LPIN2: variants seen among roughly 807,000 people sequenced by gnomAD.
LPIN2 encodes lipin 2, also known as phosphatidate phosphatase LPIN2.
LPIN2 carries 55 observed loss-of-function variants against 111.4 expected under a neutral mutation model. That is an observed-to-expected ratio of 0.49 (90% CI 0.40 to 0.62). The LOEUF (loss-of-function observed/expected upper bound fraction) is 0.62. Among genes scored for constraint, LPIN2 ranks in the 20% least tolerant of loss-of-function variants. LPIN2 has a pLI of 0.00. For synonymous variants in LPIN2, 425 were observed against 414.0 expected (o/e 1.03, Z -0.32); for missense variants, 992 against 1,112.1 (o/e 0.89, Z 1.54).
At chr18:2,954,379 G>C in intron 3 of LPIN2, 125 bp downstream of exon 3, 1 of 714,496 alleles carries the variant, frequency 1.4e-6, no homozygotes. Flanking sequence ...TGAAACTAAA[G>C]CTTGTCTTGC....
intron 1 of LPIN2, among the ~76,000 whole-genome samples, chr18:2,976,505 G>A (rs999396915): frequency 1.3e-5 from 2 of 152,148 alleles, no homozygotes; most frequent in Non-Finnish European, 2.9e-5. Flanking sequence ...GATAACTCAA[G>A]GACTAAAATA....
In LPIN2 at chr18:2,925,306, A is replaced by C. The variant is rs766347072; in HGVS notation, c.1856T>G (p.Val619Gly). The change falls in exon 14 of 20, where the codon GTG becomes GGG. Residue 619 changes from valine (V) to glycine (G), a missense_variant. This residue lies in a region of LPIN2 where 709 missense variants were observed against 753.2 expected (regional missense o/e 0.94). Transcript: ENST00000677752. The surrounding 1 kb of genome is among the most constrained non-coding windows in gnomAD (Gnocchi z 4.1). ...GSQELEESIT[V>G]DPIPTEPLSH... ...CAGGGGCTCTGTGGGGATGGGGTCCACTGTGATGGATTCTTCGAGCTCCTG... is the reference window on the plus strand; with the variant it reads ...CAGGGGCTCTGTGGGGATGGGGTCCCCTGTGATGGATTCTTCGAGCTCCTG... 1 of 1,614,126 alleles carries C rather than the reference A, an allele frequency of 6.2e-7. No individual in the cohort carries two copies. The highest frequency in any genetic ancestry group is 8.5e-7 in the Non-Finnish European group (1 of 1,179,996).
chr18:3,010,613 A>C (rs956353255), intron 1 of LPIN2, among the ~76,000 whole-genome samples: 1 of 152,196 alleles, frequency 6.6e-6, no homozygotes, highest in African/African-American at 2.4e-5. Context: ...CTGGGGTCGG[A>C]GTAAAAAGAA....
intron 7 of LPIN2, among the ~76,000 whole-genome samples, chr18:2,937,122 T>C (rs371141237): frequency 6.6e-6 from 1 of 152,226 alleles, no homozygotes; most frequent in East Asian, 1.9e-4. Context: ...CAACTCATTA[T>C]TTGTTTTCTC....
chr18:2,993,201 C>T (rs113811749), intron 1 of LPIN2, among the ~76,000 whole-genome samples: 1 of 144,504 alleles, frequency 6.9e-6, no homozygotes, highest in African/African-American at 2.6e-5. Flanking sequence ...GAGAAAGGAA[C>T]AAAGAAGAAA....
intron 16 of LPIN2, 96 bp from the exon 17 acceptor site, chr18:2,922,295 T>G: frequency 7.0e-7 from 1 of 1,425,624 alleles, no homozygotes; most frequent in Non-Finnish European, 9.6e-7. Flanking sequence ...TTTCTTTTTT[T>G]TTTGAGTCTC....
intron 14 of LPIN2, among the ~76,000 whole-genome samples, chr18:2,924,788 C>A (rs958796214): frequency 6.6e-6 from 1 of 152,220 alleles, no homozygotes; most frequent in South Asian, 2.1e-4. Context: ...GTCTACTACT[C>A]TTACTCCACA....
chr18:2,964,535 G>A (rs1029977211), intron 1 of LPIN2, among the ~76,000 whole-genome samples: 2 of 152,110 alleles, frequency 1.3e-5, no homozygotes, highest in African/African-American at 4.8e-5. Flanking sequence ...TCCTTTCCTC[G>A]TGAGAATACA....
At chr18:2,999,269 GC>G (rs1293048693) in intron 1 of LPIN2, among the ~76,000 whole-genome samples, 3 of 152,176 alleles carry the variant, frequency 2.0e-5, no homozygotes, top group African/African-American at 7.2e-5. Context: ...ATTAAGGCTG[GC>G]CCTAATCCAG....
chr18:2,919,795 T>G lies in LPIN2; in HGVS notation c.*498A>C, dbSNP rs1457993023. 2 of 206,620 alleles carry G rather than the reference T, an allele frequency of 9.7e-6. No individual in the cohort carries two copies. The highest frequency in any genetic ancestry group is 2.0e-5 in the Non-Finnish European group (2 of 100,120). 12.8% of individuals were successfully genotyped at this position (206,620 alleles called of 1,614,324 possible). ...CTGACCCCTTCAGTGTAGCAGGAAA[T>G]GAGGCGACCAGAGAAGAAACGTGCA... On this transcript the variant is annotated 3_prime_UTR_variant, in exon 20 of 20. Transcript: ENST00000677752.
At chr18:2,938,415 T>G (rs2077321305) in intron 6 of LPIN2, among the ~76,000 whole-genome samples, 1 of 152,080 alleles carries the variant, frequency 6.6e-6, no homozygotes, top group South Asian at 2.1e-4. Context: ...TCTCAGCTAC[T>G]CGGGAGGCTG....
At chr18:2,929,230 G>A (rs2077179929) in intron 9 of LPIN2, 72 bp from the exon 10 acceptor site, 3 of 969,832 alleles carry the variant, frequency 3.1e-6, no homozygotes, top group South Asian at 1.4e-5. Context: ...AATACTCTCT[G>A]CATTGCAGAA....
At chr18:2,939,949 G>A (rs1284002788) in intron 5 of LPIN2, among the ~76,000 whole-genome samples, 1 of 152,224 alleles carries the variant, frequency 6.6e-6, no homozygotes, top group Admixed American at 6.5e-5. Context: ...TCTGATTGCA[G>A]AATAAACAGT....
intron 4 of LPIN2, among the ~76,000 whole-genome samples, chr18:2,944,925 G>T (rs940173750): frequency 5.9e-5 from 9 of 152,094 alleles, no homozygotes; most frequent in African/African-American, 2.2e-4. Flanking sequence ...TGCTTGGCAA[G>T]TAATGTAAGT....
intron 1 of LPIN2, among the ~76,000 whole-genome samples, chr18:3,003,846 A>G (rs948838099): frequency 1.3e-5 from 2 of 152,234 alleles, no homozygotes; most frequent in African/African-American, 4.8e-5. Context: ...GGGGTCGGGC[A>G]GAATACAGCC....
intron 9 of LPIN2, 65 bp downstream of exon 9, chr18:2,931,191 G>C: frequency 6.4e-7 from 1 of 1,552,322 alleles, no homozygotes. Flanking sequence ...TACACGGTAA[G>C]TTTTAACCAA....
intron 1 of LPIN2, among the ~76,000 whole-genome samples, chr18:3,004,431 G>C (rs1374965362): frequency 2.6e-5 from 4 of 152,110 alleles, no homozygotes; most frequent in Non-Finnish European, 5.9e-5. Flanking sequence ...CCAACACTTA[G>C]GGAAAACAGA....
chr18:2,940,724 A>G lies in LPIN2; in HGVS notation c.591-12T>C, dbSNP rs1392566154. Reference sequence around the variant, plus strand: ...CATTTGAAGATCCTCTGTGAAGGAGAAACCAAAGAAAGGCAGGAACGATGA... The same window carrying G: ...CATTTGAAGATCCTCTGTGAAGGAGGAACCAAAGAAAGGCAGGAACGATGA... On this transcript the variant is annotated splice_polypyrimidine_tract_variant and intron_variant, in intron 4 of 19. Coordinates refer to ENST00000677752, the MANE Select transcript of LPIN2 (RefSeq NM_001375808.2). 5 of 1,507,018 alleles carry G rather than the reference A, an allele frequency of 3.3e-6. No homozygotes were observed. The East Asian group carries it at 1.1e-4, about 34-fold the overall frequency. 93.4% of individuals were successfully genotyped at this position (1,507,018 alleles called of 1,614,324 possible).
chr18:3,003,137 A>G (rs1356856861), intron 1 of LPIN2, among the ~76,000 whole-genome samples: 1 of 152,246 alleles, frequency 6.6e-6, no homozygotes, highest in African/African-American at 2.4e-5. Flanking sequence ...TCAAAAGTAT[A>G]TTCATGAATT....
Sources: allele counts gnomAD v4.1 joint callset (sites outside exome capture counted in the v4.1 genomes callset), GRCh38; gene constraint gnomAD v4.1.1; regional missense constraint gnomAD v4.1.1; non-coding constraint Gnocchi (gnomAD v3.1); transcripts MANE v1.5; gene names NCBI Gene and HGNC (gene_info 2026-07-23, HGNC 2026-07-21).